ZAP70: variants seen among roughly 807,000 people sequenced by gnomAD.
The protein encoded by ZAP70 is tyrosine-protein kinase ZAP-70.
Under a neutral mutation model 65.8 loss-of-function variants are expected in ZAP70, and 27 were observed. The ratio of observed to expected loss-of-function variants is 0.41; its 90% confidence interval spans 0.30 to 0.57. The LOEUF (loss-of-function observed/expected upper bound fraction) is 0.57. Among genes scored for constraint, ZAP70 ranks in the 20% least tolerant of loss-of-function variants. The probability of loss-of-function intolerance (pLI) is 0.28; values close to 1 mark genes in which losing one functional copy is unlikely to be tolerated. For synonymous variants in ZAP70, 363 were observed against 360.8 expected, an observed-to-expected ratio of 1.01 and a Z score of -0.07; for missense variants, 696 against 870.5, an observed-to-expected ratio of 0.80 and a Z score of 2.52.
intron 4 of ZAP70, 62 bp downstream of exon 4, chr2:97,725,314 G>A: frequency 1.3e-5 from 20 of 1,593,626 alleles, no homozygotes; most frequent in Non-Finnish European, 1.6e-5. Flanking sequence ...GGATCCTGGG[G>A]ACTGGGGCAG....
In ZAP70 at chr2:97,724,372, G is replaced by A. The variant is rs1329950938; in HGVS notation, c.336G>A (p.Pro112=). Residue 112 remains proline (P), a synonymous_variant, in exon 3 of 14, where the codon CCG becomes CCA. Transcript: ENST00000264972. Reference sequence around the variant, plus strand: ...GGCCGTCGGGCCTCGAGCCGCAGCCGGGGGTCTTCGACTGCCTGCGAGACG... The same window carrying A: ...GGCCGTCGGGCCTCGAGCCGCAGCCAGGGGTCTTCGACTGCCTGCGAGACG... ...CNRPSGLEPQ[P]GVFDCLRDAM... is the part of the protein sequence containing the mutation. 2.6e-6 allele frequency: 4 copies of A among 1,543,950 alleles called. No homozygotes were observed. Among genetic ancestry groups the A allele is most frequent in the African/African-American group, 2.7e-5 (2 of 73,768 alleles).
At chr2:97,717,353 G>GGAGCCTCT (rs1320717425) in intron 2 of ZAP70, among the ~76,000 whole-genome samples, 5 of 142,366 alleles carry the variant, frequency 3.5e-5, no homozygotes, top group African/African-American at 1.2e-4. Context: ...GGGGACATGC[G>GGAGCCTCT]GAGCCTCTGG....
At chr2:97,734,459 G>A in intron 8 of ZAP70, 61 bp from the exon 9 acceptor site, 1 of 1,541,312 alleles carries the variant, frequency 6.5e-7, no homozygotes, top group South Asian at 1.2e-5. Context: ...TGGGGGCTGA[G>A]GCTGCCTTGC....
In ZAP70 at chr2:97,722,229, C is replaced by T. The variant is rs188400532; in HGVS notation, c.-21-1787C>T. On this transcript the variant is annotated intron_variant, in intron 2 of 13. Coordinates refer to ENST00000264972, the MANE Select transcript of ZAP70 (RefSeq NM_001079.4). ...CCAAGTAGCTGGGATTACAGGTGCC[C>T]GCCACCACCTCTGGCTAATTTTTTG... 2.6e-5 allele frequency among the ~76,000 whole-genome samples: 4 copies of T among 152,002 alleles called. No homozygotes were observed. The East Asian group carries it at 5.8e-4, about 22-fold the overall frequency.
intron 8 of ZAP70, chr2:97,733,808 A>C (rs1388426768): frequency 1.6e-6 from 1 of 635,120 alleles, no homozygotes; most frequent in Non-Finnish European, 2.8e-6. Flanking sequence ...CAGGGAGCAC[A>C]CTTGGCCTTG....
chr2:97,734,166 A>G, intron 8 of ZAP70: 1 of 344,796 alleles, frequency 2.9e-6, no homozygotes. Flanking sequence ...GAGGCCTCGT[A>G]AATGTGGCTG....
At chr2:97,754,995 G>A in the ZAP70 span, among the ~76,000 whole-genome samples, 115,025 of 152,224 alleles carry the variant, frequency 0.76, 45,108 homozygotes, top group African/African-American at 0.88. Context: ...AAAAGGTCAG[G>A]TTCACAATCA....
At chr2:97,723,899 C>A in intron 2 of ZAP70, 117 bp from the exon 3 acceptor site, 1 of 1,163,386 alleles carries the variant, frequency 8.6e-7, no homozygotes, top group Non-Finnish European at 1.2e-6. Flanking sequence ...GCCCCCTTGG[C>A]GAGCTCAGTC....
the ZAP70 span, among the ~76,000 whole-genome samples, chr2:97,747,442 C>T: frequency 3.9e-5 from 6 of 152,250 alleles, no homozygotes; most frequent in African/African-American, 1.2e-4. Flanking sequence ...AAGACTTTAC[C>T]GAGGTGACAG....
chr2:97,735,424 C>A lies in ZAP70; in HGVS notation c.1257C>A (p.Gly419=). ...TGCTGGTCATGGAGATGGCTGGGGG[C>A]GGGCCGCTGCACAAGTTCCTGGTCG... ...ALMLVMEMAG[G]GPLHKFLVGK... Residue 419 remains glycine (G), a synonymous_variant, in exon 10 of 14, where the codon GGC becomes GGA. Transcript: ENST00000264972. 1 of 1,611,478 alleles carries A rather than the reference C, an allele frequency of 6.2e-7. No homozygotes were observed. The highest frequency in any genetic ancestry group is 8.5e-7 in the Non-Finnish European group (1 of 1,178,480).
the ZAP70 span, among the ~76,000 whole-genome samples, chr2:97,754,085 T>C: frequency 6.6e-6 from 1 of 152,356 alleles, no homozygotes; most frequent in East Asian, 1.9e-4. Context: ...AAAGCGACTA[T>C]CATGCCAACA....
chr2:97,751,421 A>C, the ZAP70 span, among the ~76,000 whole-genome samples: 1 of 152,256 alleles, frequency 6.6e-6, no homozygotes, highest in Non-Finnish European at 1.5e-5. Context: ...AATTCATAAG[A>C]AGCAACATGG....
chr2:97,740,840 C>T (rs1200740063), downstream of ZAP70, among the ~76,000 whole-genome samples: 1 of 152,156 alleles, frequency 6.6e-6, no homozygotes, highest in Non-Finnish European at 1.5e-5. Context: ...GTGATCAGAC[C>T]CAACACCAGG....
chr2:97,740,684 TC>T (rs1678106378), downstream of ZAP70, among the ~76,000 whole-genome samples: 1 of 152,152 alleles, frequency 6.6e-6, no homozygotes, highest in Admixed American at 6.5e-5. Context: ...CAGAGCACTC[TC>T]CAGGTGGCGA....
downstream of ZAP70, among the ~76,000 whole-genome samples, chr2:97,740,144 G>A (rs1051951796): frequency 2.0e-5 from 3 of 152,084 alleles, no homozygotes; most frequent in Admixed American, 6.5e-5. Flanking sequence ...CCAGGTGCAC[G>A]TTAGGATCAC....
rs201221859 is a variant in ZAP70 at position 97,734,642 on chromosome 2, C to T, written c.1012C>T (p.Leu338Phe). 3.1e-4 allele frequency: 504 copies of T among 1,614,226 alleles called. 5 individuals carry two copies. In the South Asian group the frequency reaches 5.2e-3, roughly 17 times the overall value. The change falls in exon 9 of 14, where the codon CTC becomes TTC. Residue 338 changes from leucine (L) to phenylalanine (F), a missense_variant. Coordinates refer to ENST00000264972, the MANE Select transcript of ZAP70 (RefSeq NM_001079.4). ...KKLFLKRDNL[L>F]IADIELGCGN... is the part of the protein sequence containing the mutation. ...GCTCTTCCTGAAGCGCGATAACCTC[C>T]TCATAGCTGACATTGAACTTGGCTG...
rs1677903469 is a variant in ZAP70, at chr2:97,736,759, G to A, written c.1290-714G>A. ...TGTGCAGAGGCCCTGAGGTGGTCCC[G>A]TGCCTCGTGTGGTGCGGGCAGGGAG... On this transcript the variant is annotated intron_variant, in intron 10 of 13. Transcript: ENST00000264972. This position sits in a 1 kb window ranked among gnomAD's most constrained non-coding sequence, Gnocchi z 4.0. 1.3e-5 allele frequency among the ~76,000 whole-genome samples: 2 copies of A among 152,168 alleles called. No homozygotes were observed. The highest frequency in any genetic ancestry group is 6.5e-5 in the Admixed American group (1 of 15,278).
At chr2:97,744,818 TCTCACA>T (rs754077696), downstream of ZAP70, among the ~76,000 whole-genome samples, 10 of 152,094 alleles carry the variant, frequency 6.6e-5, no homozygotes, top group Non-Finnish European at 1.2e-4. Context: ...CAGACCTCTA[TCTCACA>T]CATATAAAAA....
chr2:97,737,632 C>T lies in ZAP70; in HGVS notation c.1449C>T (p.Ser483=). ...CCAAGATCAGCGACTTTGGCCTCTC[C>T]AAAGCACTGGGTGCCGACGACAGCT... ...HYAKISDFGL[S]KALGADDSYY... Residue 483 remains serine, a synonymous_variant, in exon 11 of 14, where the codon TCC becomes TCT. Transcript: ENST00000264972. The surrounding 1 kb of genome is among the most constrained non-coding windows in gnomAD (Gnocchi z 5.0). 2 of 1,614,128 alleles carry T rather than the reference C, an allele frequency of 1.2e-6. No individual in the cohort carries two copies. The highest frequency in any genetic ancestry group is 1.7e-6 in the Non-Finnish European group (2 of 1,180,004).
Sources: gnomAD v4.1 joint callset for allele counts (sites outside exome capture counted in the v4.1 genomes callset) on GRCh38, gnomAD v4.1.1 for gene constraint, Gnocchi (gnomAD v3.1) non-coding constraint, MANE v1.5 for transcripts, NCBI Gene and HGNC (gene_info 2026-07-23, HGNC 2026-07-21) for gene names.